PCSK2: variants seen among roughly 807,000 people sequenced by gnomAD.
PCSK2 encodes proprotein convertase subtilisin/kexin type 2, also known as neuroendocrine convertase 2.
A neutral mutation model predicts 69.7 loss-of-function variants in PCSK2; 14 were observed. The observed-to-expected ratio is 0.20, with a 90% CI of 0.13 to 0.31. The LOEUF (loss-of-function observed/expected upper bound fraction) is 0.31, where lower values mean the gene tolerates loss of function less well. PCSK2 is among the 10% of genes least tolerant of loss of function. The pLI, the probability that PCSK2 is intolerant of heterozygous loss-of-function variation, is 1.00. For synonymous variants in PCSK2, 307 were observed against 320.7 expected, an observed-to-expected ratio of 0.96 and a Z score of 0.46; for missense variants, 544 against 842.5, an observed-to-expected ratio of 0.65 and a Z score of 4.39.
intron 2 of PCSK2, among the ~76,000 whole-genome samples, chr20:17,353,577 A>C (rs901445033): frequency 6.6e-5 from 10 of 152,200 alleles, no homozygotes; most frequent in African/African-American, 2.4e-4. Flanking sequence ...TGTGAAAAGC[A>C]TTTTGGAGAT....
intron 2 of PCSK2, among the ~76,000 whole-genome samples, chr20:17,348,092 AAAG>A (rs1990748474): frequency 1.4e-5 from 2 of 146,290 alleles, no homozygotes; most frequent in East Asian, 2.1e-4. Flanking sequence ...AGAAAGAAAG[AAAG>A]AAAGAAAGAA....
chr20:17,455,589 G>A (rs1018635869), intron 9 of PCSK2, among the ~76,000 whole-genome samples: 4 of 152,108 alleles, frequency 2.6e-5, no homozygotes, highest in Non-Finnish European at 5.9e-5. Context: ...TTTCCTCTTC[G>A]GGAATGCCTT....
At chr20:17,298,021 AT>A (rs1988955605) in intron 2 of PCSK2, among the ~76,000 whole-genome samples, 1 of 152,266 alleles carries the variant, frequency 6.6e-6, no homozygotes, top group Non-Finnish European at 1.5e-5. Flanking sequence ...TATTTTATGC[AT>A]TATATTTTTA....
intron 2 of PCSK2, among the ~76,000 whole-genome samples, chr20:17,354,272 G>A (rs1600516330): frequency 6.6e-6 from 1 of 152,250 alleles, no homozygotes; most frequent in East Asian, 1.9e-4. Flanking sequence ...GGTCCTATTT[G>A]AGGAAGCGTT....
chr20:17,266,283 T>G (rs1483194718), intron 2 of PCSK2, among the ~76,000 whole-genome samples: 1 of 152,198 alleles, frequency 6.6e-6, no homozygotes, highest in Non-Finnish European at 1.5e-5. Context: ...ACCCTCACAG[T>G]GGAAGCATTT....
chr20:17,417,319 C>T (rs889401938), intron 6 of PCSK2, among the ~76,000 whole-genome samples: 9 of 149,778 alleles, frequency 6.0e-5, no homozygotes, highest in African/African-American at 2.2e-4. Context: ...GGCAATAAAA[C>T]TCATCATTGT....
At chr20:17,342,272 G>C (rs975569220) in intron 2 of PCSK2, among the ~76,000 whole-genome samples, 3 of 152,256 alleles carry the variant, frequency 2.0e-5, no homozygotes, top group Non-Finnish European at 2.9e-5. Context: ...TACTTATTTA[G>C]AATGCATTTA....
intron 2 of PCSK2, among the ~76,000 whole-genome samples, chr20:17,318,124 T>C (rs1178027182): frequency 1.3e-5 from 2 of 152,254 alleles, no homozygotes; most frequent in Non-Finnish European, 2.9e-5. Flanking sequence ...GCAGGTTATA[T>C]TCTGATTTAC....
intron 3 of PCSK2, among the ~76,000 whole-genome samples, chr20:17,360,229 C>T (rs2030343359): frequency 6.6e-6 from 1 of 151,884 alleles, no homozygotes; most frequent in Admixed American, 6.6e-5. Flanking sequence ...GCAATAGCAG[C>T]TCTCTTATGG....
At chr20:17,363,093 C>G (rs1045619245) in intron 4 of PCSK2, among the ~76,000 whole-genome samples, 2 of 152,236 alleles carry the variant, frequency 1.3e-5, no homozygotes, top group Non-Finnish European at 2.9e-5. Flanking sequence ...AGATGCCAAC[C>G]CTGATACCTA....
chr20:17,466,776 C>T (rs183084273), intron 11 of PCSK2, among the ~76,000 whole-genome samples: 1 of 152,322 alleles, frequency 6.6e-6, no homozygotes, highest in African/African-American at 2.4e-5. Flanking sequence ...ATGAGGCATT[C>T]CATCAACCCA....
chr20:17,427,275 A>C (rs2032267831), intron 6 of PCSK2, among the ~76,000 whole-genome samples: 1 of 152,210 alleles, frequency 6.6e-6, no homozygotes, highest in Admixed American at 6.5e-5. Flanking sequence ...AGTGTAGTAC[A>C]TATATAAATA....
intron 6 of PCSK2, among the ~76,000 whole-genome samples, chr20:17,418,539 A>T (rs1568641178): frequency 6.6e-6 from 1 of 152,158 alleles, no homozygotes; most frequent in African/African-American, 2.4e-5. Context: ...GGGTTGAAAA[A>T]GTTGCTAGGA....
intron 1 of PCSK2, among the ~76,000 whole-genome samples, chr20:17,242,727 C>A (rs1162397799): frequency 6.6e-6 from 1 of 152,184 alleles, no homozygotes; most frequent in Non-Finnish European, 1.5e-5. Flanking sequence ...GTCCTCACTC[C>A]ACAGGCCTTG....
intron 2 of PCSK2, among the ~76,000 whole-genome samples, chr20:17,348,071 GAAA>G (rs1439689695): frequency 1.1e-4 from 15 of 136,752 alleles, no homozygotes; most frequent in African/African-American, 4.2e-4. Context: ...AAGAAAGAAA[GAAA>G]GAAAGAAAGA....
intron 2 of PCSK2, among the ~76,000 whole-genome samples, chr20:17,353,732 G>GA (rs1368249107): frequency 1.3e-5 from 2 of 152,134 alleles, no homozygotes; most frequent in African/African-American, 4.8e-5. Flanking sequence ...GCAAAGACAT[G>GA]AAATCAACCT....
chr20:17,327,668 C>G (rs939181183), intron 2 of PCSK2, among the ~76,000 whole-genome samples: 3 of 152,228 alleles, frequency 2.0e-5, no homozygotes, highest in African/African-American at 7.2e-5. Flanking sequence ...CAGCTGCTAC[C>G]GCTGTGTCTC....
At chr20:17,476,042 G>A (rs1334766361) in intron 11 of PCSK2, among the ~76,000 whole-genome samples, 1 of 152,138 alleles carries the variant, frequency 6.6e-6, no homozygotes, top group East Asian at 1.9e-4. Flanking sequence ...CCCGATTCTG[G>A]GCCTGGCTGC....
chr20:17,386,320 C>T (rs530182356), intron 5 of PCSK2, among the ~76,000 whole-genome samples: 1 of 152,064 alleles, frequency 6.6e-6, no homozygotes, highest in Admixed American at 6.5e-5. Flanking sequence ...TCACAATAGC[C>T]AAGAAGTATA....
Sources: allele counts gnomAD v4.1 joint callset (sites outside exome capture counted in the v4.1 genomes callset), GRCh38; gene constraint gnomAD v4.1.1; transcripts MANE v1.5; gene names NCBI Gene and HGNC (gene_info 2026-07-23, HGNC 2026-07-21).